The following RALA variants were observed in gnomAD, a reference collection of about 807,000 sequenced individuals.
RALA encodes the protein RAS like proto-oncogene A, also known as ras-related protein Ral-A.
A neutral mutation model predicts 24.0 loss-of-function variants in RALA; 5 were observed. The ratio of observed to expected loss-of-function variants is 0.21; its 90% confidence interval spans 0.11 to 0.44. The LOEUF is 0.44. RALA is among the 20% of genes least tolerant of loss of function. RALA has a pLI of 0.99. For synonymous variants in RALA, 77 were observed against 83.8 expected (o/e 0.92, Z 0.44); for missense variants, 95 against 241.2 (o/e 0.39, Z 4.01).
At chr7:39,703,528 G>C (rs1326794345) in intron 4 of RALA, among the ~76,000 whole-genome samples, 1 of 151,918 alleles carries the variant, frequency 6.6e-6, no homozygotes, top group East Asian at 1.9e-4. Context: ...TATGCTTCTT[G>C]CTGCAGATCA....
At chr7:39,641,649 T>C (rs777007655) in intron 1 of RALA, among the ~76,000 whole-genome samples, 1 of 152,320 alleles carries the variant, frequency 6.6e-6, no homozygotes, top group South Asian at 2.1e-4. Flanking sequence ...ATGATTCATA[T>C]TTGAAGTGAT....
intron 2 of RALA, among the ~76,000 whole-genome samples, chr7:39,688,585 T>A (rs1203547774): frequency 6.6e-6 from 1 of 151,000 alleles, no homozygotes; most frequent in Non-Finnish European, 1.5e-5. Context: ...CCTAATTTTT[T>A]TTTTTTTTTT....
At chr7:39,696,633 T>C in intron 3 of RALA, 52 bp from the exon 4 acceptor site, 1 of 1,433,530 alleles carries the variant, frequency 7.0e-7, no homozygotes, top group Admixed American at 2.2e-5. Flanking sequence ...ACAAGAACTT[T>C]CTGTGCTATC....
At chr7:39,667,683 C>T (rs1181052364) in intron 1 of RALA, among the ~76,000 whole-genome samples, 1 of 152,216 alleles carries the variant, frequency 6.6e-6, no homozygotes, top group Non-Finnish European at 1.5e-5. Flanking sequence ...ACACAACCAG[C>T]CCATACAAAG....
intron 4 of RALA, among the ~76,000 whole-genome samples, chr7:39,698,274 G>A (rs1792958153): frequency 6.6e-6 from 1 of 152,110 alleles, no homozygotes; most frequent in Non-Finnish European, 1.5e-5. Context: ...TTCAGTATAT[G>A]AATTTTGGGG....
At chr7:39,691,187 A>G (rs1792811702) in intron 3 of RALA, among the ~76,000 whole-genome samples, 1 of 152,102 alleles carries the variant, frequency 6.6e-6, no homozygotes, top group African/African-American at 2.4e-5. Flanking sequence ...TCTGGAATCC[A>G]TTTGGTTTTA....
At position 39,625,892 on chromosome 7, in the gene RALA, A is replaced by G. The variant is rs1009991441; in HGVS notation, c.-38+2067A>G. ...CACTGTTTTTCCAAGCTTAGCTTCT[A>G]CAGAACATAAATACATGTACCAGTG... On this transcript the variant is annotated intron_variant, in intron 1 of 4. Coordinates refer to ENST00000005257, the MANE Select transcript of RALA (RefSeq NM_005402.4). Among the ~76,000 whole-genome samples, 9 of 152,316 alleles carry G rather than the reference A, an allele frequency of 5.9e-5. No homozygotes were observed. The East Asian group carries it at 1.5e-3, about 26-fold the overall frequency.
At chr7:39,659,127 C>T (rs906945209) in intron 1 of RALA, among the ~76,000 whole-genome samples, 3 of 151,860 alleles carry the variant, frequency 2.0e-5, no homozygotes, top group East Asian at 1.9e-4. Flanking sequence ...AAAAACACAG[C>T]GAAAAAATTA....
intron 1 of RALA, among the ~76,000 whole-genome samples, chr7:39,646,287 T>C (rs1189216966): frequency 1.3e-5 from 2 of 152,066 alleles, no homozygotes; most frequent in Non-Finnish European, 2.9e-5. Flanking sequence ...AGCAAGACCC[T>C]GTCCCTACAA....
chr7:39,631,110 C>T (rs759957529), intron 1 of RALA, among the ~76,000 whole-genome samples: 30 of 150,450 alleles, frequency 2.0e-4, no homozygotes, highest in Non-Finnish European at 4.1e-4. Flanking sequence ...CAGGTTCAAG[C>T]GATTCTCCTG....
intron 1 of RALA, among the ~76,000 whole-genome samples, chr7:39,626,615 G>A (rs997725878): frequency 1.3e-5 from 2 of 152,146 alleles, no homozygotes; most frequent in African/African-American, 4.8e-5. Flanking sequence ...TGTTATCACC[G>A]TCCATGTGTG....
At chr7:39,698,640 C>T (rs775204459) in intron 4 of RALA, among the ~76,000 whole-genome samples, 2 of 152,210 alleles carry the variant, frequency 1.3e-5, no homozygotes, top group South Asian at 2.1e-4. Flanking sequence ...ATCGATGTTT[C>T]GAGTAGGTTG....
intron 1 of RALA, among the ~76,000 whole-genome samples, chr7:39,667,441 C>T (rs1351223219): frequency 1.3e-5 from 2 of 152,206 alleles, no homozygotes; most frequent in Non-Finnish European, 2.9e-5. Flanking sequence ...AAAGCAGAGA[C>T]TTTCTAGGTT....
At chr7:39,674,306 T>G (rs1309307469) in intron 1 of RALA, among the ~76,000 whole-genome samples, 1 of 152,202 alleles carries the variant, frequency 6.6e-6, no homozygotes, top group Non-Finnish European at 1.5e-5. Flanking sequence ...TTCTACTTGT[T>G]TTATGAACAA....
At chr7:39,665,055 A>G (rs545572040) in intron 1 of RALA, among the ~76,000 whole-genome samples, 1 of 152,364 alleles carries the variant, frequency 6.6e-6, no homozygotes, top group East Asian at 1.9e-4. Context: ...GGTACCACAT[A>G]GAAACATTTT....
chr7:39,640,905 T>TC (rs1562608939), intron 1 of RALA, among the ~76,000 whole-genome samples: 1 of 152,190 alleles, frequency 6.6e-6, no homozygotes, highest in Non-Finnish European at 1.5e-5. Flanking sequence ...TTTCCTCTCT[T>TC]CTTCTACTTC....
At chr7:39,639,782 G>C (rs1184137999) in intron 1 of RALA, among the ~76,000 whole-genome samples, 1 of 152,098 alleles carries the variant, frequency 6.6e-6, no homozygotes, top group African/African-American at 2.4e-5. Context: ...AGGGAACCAG[G>C]CTGGAACCAG....
intron 3 of RALA, 23 bp from the exon 4 acceptor site, chr7:39,696,662 C>G (rs368665813): frequency 1.0e-4 from 158 of 1,549,322 alleles, no homozygotes; most frequent in Non-Finnish European, 1.3e-4. Context: ...GTTAATATTT[C>G]TTTTTCATTT....
At chr7:39,675,597 G>A (rs191287995) in intron 1 of RALA, among the ~76,000 whole-genome samples, 8 of 152,108 alleles carry the variant, frequency 5.3e-5, no homozygotes, top group Admixed American at 2.0e-4. Flanking sequence ...AGGGTGGTGC[G>A]TGCCTGTAGT....
Sources: gnomAD v4.1 joint callset for allele counts (sites outside exome capture counted in the v4.1 genomes callset) on GRCh38, gnomAD v4.1.1 for gene constraint, MANE v1.5 for transcripts, NCBI Gene and HGNC (gene_info 2026-07-23, HGNC 2026-07-21) for gene names.